The following LINGO2 variants were observed in gnomAD, a reference collection of about 807,000 sequenced individuals.
The protein encoded by LINGO2 is leucine-rich repeat and immunoglobulin-like domain-containing nogo receptor-interacting protein 2.
A neutral mutation model predicts 30.6 loss-of-function variants in LINGO2; 14 were observed. The observed-to-expected ratio is 0.46, with a 90% CI of 0.30 to 0.72. The LOEUF (loss-of-function observed/expected upper bound fraction) is 0.72, where lower values mean the gene tolerates loss of function less well. LINGO2 is among the 30% of genes least tolerant of loss of function. LINGO2 has a pLI of 0.07. For synonymous variants in LINGO2, 317 were observed against 288.5 expected (o/e 1.10, Z -1.00); for missense variants, 729 against 751.7 (o/e 0.97, Z 0.35).
At chr9:29,008,137 T>A in the LINGO2 span, among the ~76,000 whole-genome samples, 19 of 152,274 alleles carry the variant, frequency 1.2e-4, no homozygotes, top group African/African-American at 3.9e-4. Context: ...CCAAGTGTTC[T>A]CATTGTTCAA....
chr9:28,835,135 G>T, the LINGO2 span, among the ~76,000 whole-genome samples: 2 of 152,160 alleles, frequency 1.3e-5, no homozygotes, highest in Admixed American at 1.3e-4. Flanking sequence ...CTGGCCAGGT[G>T]AGAGTTGGCA....
chr9:28,768,201 A>G, the LINGO2 span, among the ~76,000 whole-genome samples: 1 of 152,214 alleles, frequency 6.6e-6, no homozygotes, highest in Non-Finnish European at 1.5e-5. Context: ...TTGTTAGTTT[A>G]CAATAATGAA....
the LINGO2 span, among the ~76,000 whole-genome samples, chr9:29,143,393 A>G: frequency 6.6e-6 from 1 of 152,170 alleles, no homozygotes; most frequent in Admixed American, 6.6e-5. Context: ...GAGGCCTGAC[A>G]CTTTCTGACT....
intron 3 of LINGO2, among the ~76,000 whole-genome samples, chr9:28,301,579 G>A (rs1006943777): frequency 1.3e-5 from 2 of 152,160 alleles, no homozygotes; most frequent in Non-Finnish European, 2.9e-5. Flanking sequence ...ACACACTCAT[G>A]TTTAAGAACT....
At chr9:28,027,253 C>A (rs1823424307) in intron 4 of LINGO2, among the ~76,000 whole-genome samples, 3 of 152,126 alleles carry the variant, frequency 2.0e-5, no homozygotes, top group African/African-American at 7.2e-5. Flanking sequence ...ACTAAAGCAT[C>A]CCCATTTTAC....
At chr9:29,170,793 G>A in the LINGO2 span, among the ~76,000 whole-genome samples, 1 of 151,760 alleles carries the variant, frequency 6.6e-6, no homozygotes, top group South Asian at 2.1e-4. Flanking sequence ...CCAAAAAAAT[G>A]AAAACAATAT....
At chr9:28,879,437 A>C in the LINGO2 span, among the ~76,000 whole-genome samples, 1 of 152,168 alleles carries the variant, frequency 6.6e-6, no homozygotes, top group African/African-American at 2.4e-5. Flanking sequence ...AAACCTTCCC[A>C]AATGACACAA....
At chr9:28,018,619 A>T (rs1822959122) in intron 4 of LINGO2, among the ~76,000 whole-genome samples, 1 of 152,204 alleles carries the variant, frequency 6.6e-6, no homozygotes, top group South Asian at 2.1e-4. Flanking sequence ...CACTGGGGAA[A>T]TGCAAATACA....
intron 3 of LINGO2, among the ~76,000 whole-genome samples, chr9:28,304,030 G>C (rs894871734): frequency 6.6e-6 from 1 of 151,994 alleles, no homozygotes; most frequent in Non-Finnish European, 1.5e-5. Context: ...GCATAACAAT[G>C]ATAGCTAAAG....
the LINGO2 span, among the ~76,000 whole-genome samples, chr9:29,083,909 G>C: frequency 6.6e-6 from 1 of 151,860 alleles, no homozygotes; most frequent in South Asian, 2.1e-4. Flanking sequence ...TCTCATAGTA[G>C]GTATTATAAG....
In LINGO2 at chr9:28,632,879, T is replaced by TAGA. The variant is rs1563879215; in HGVS notation, c.-365+37320_-365+37321insTCT. On this transcript the variant is annotated intron_variant, in intron 1 of 5. Transcript: ENST00000379992. ...TTTTATATATATATATATATATATA[T>TAGA]GTAGAGAGAGAGAGAGAGAGAGAGA... 2.2e-3 allele frequency among the ~76,000 whole-genome samples: 175 copies of TAGA among 80,826 alleles called. 2 individuals are homozygous for TAGA. Among genetic ancestry groups the TAGA allele is most frequent in the African/African-American group, 8.6e-3 (162 of 18,938 alleles). The allele number at this position is 80,826 out of a possible 152,430, so 53.0% of individuals were successfully genotyped here. A position where few individuals can be genotyped will look rare whatever the true frequency, so the allele number is the denominator to read the frequency against.
chr9:28,436,912 G>A (rs570983065), intron 2 of LINGO2, among the ~76,000 whole-genome samples: 25 of 152,288 alleles, frequency 1.6e-4, no homozygotes, highest in African/African-American at 5.8e-4. Flanking sequence ...GCATAGCTCT[G>A]TGGAGAGGGT....
intron 4 of LINGO2, among the ~76,000 whole-genome samples, chr9:28,120,558 A>G (rs904352916): frequency 6.6e-6 from 1 of 152,240 alleles, no homozygotes; most frequent in Non-Finnish European, 1.5e-5. Context: ...CCACAATTTT[A>G]GTAGGTCTAC....
chr9:28,507,380 T>C (rs1394659503), intron 1 of LINGO2, among the ~76,000 whole-genome samples: 1 of 152,174 alleles, frequency 6.6e-6, no homozygotes, highest in Non-Finnish European at 1.5e-5. Context: ...GGAGCGGTGA[T>C]GAAGAACCCA....
intron 3 of LINGO2, among the ~76,000 whole-genome samples, chr9:28,353,283 A>C (rs1819993701): frequency 6.8e-6 from 1 of 147,008 alleles, no homozygotes; most frequent in Non-Finnish European, 1.5e-5. Context: ...CAGAATCTAC[A>C]ATGAACTCAA....
intron 4 of LINGO2, among the ~76,000 whole-genome samples, chr9:28,170,581 T>G (rs940872979): frequency 6.6e-6 from 1 of 152,148 alleles, no homozygotes; most frequent in Non-Finnish European, 1.5e-5. Context: ...GGTAACAAAT[T>G]ATCACATATT....
the LINGO2 span, among the ~76,000 whole-genome samples, chr9:28,690,707 T>C: frequency 2.0e-5 from 3 of 152,176 alleles, no homozygotes; most frequent in Non-Finnish European, 4.4e-5. Flanking sequence ...CTATTCCCAC[T>C]TAATCAGATG....
At chr9:28,684,175 CTTTTTTTTTTTT>C in the LINGO2 span, among the ~76,000 whole-genome samples, 17 of 45,440 alleles carry the variant, frequency 3.7e-4, no homozygotes, top group African/African-American at 5.2e-4. Context: ...AAATGTTTAT[CTTTTTTTTTTTT>C]TTTTTTTTTT....
chr9:27,999,435 T>TGAGAGAGAGAGAGAGAGAGA lies in LINGO2; in HGVS notation c.-36+12919_-36+12920insTCTCTCTCTCTCTCTCTCTC, dbSNP rs1156717819. On this transcript the variant is annotated intron_variant, in intron 5 of 5. Coordinates refer to ENST00000379992, the Ensembl canonical transcript of LINGO2. ...ACGACTTAATCACAGTGCCTAATCT[T>TGAGAGAGAGAGAGAGAGAGA]CAGAGAGAGAGAGAGAGAGAGAGAG... is the stretch of plus-strand genomic sequence containing the variant. Among the ~76,000 whole-genome samples, 14 of 103,012 alleles carry TGAGAGAGAGAGAGAGAGAGA rather than the reference T, an allele frequency of 1.4e-4. 1 individual carries two copies. Among genetic ancestry groups the TGAGAGAGAGAGAGAGAGAGA allele is most frequent in the African/African-American group, 5.3e-4 (14 of 26,288 alleles). 67.6% of individuals were successfully genotyped at this position (103,012 alleles called of 152,430 possible). A position where few individuals can be genotyped will look rare whatever the true frequency, so the allele number is the denominator to read the frequency against.
Sources: gnomAD v4.1 joint callset for allele counts (sites outside exome capture counted in the v4.1 genomes callset) on GRCh38, gnomAD v4.1.1 for gene constraint, MANE v1.5 for transcripts, NCBI Gene and HGNC (gene_info 2026-07-23, HGNC 2026-07-21) for gene names.